Variants in RNF212 observed in about 807,000 individuals in gnomAD.
RNF212 encodes probable E3 SUMO-protein ligase RNF212.
A neutral mutation model predicts 34.7 loss-of-function variants in RNF212; 33 were observed. The observed-to-expected ratio is 0.95, with a 90% CI of 0.72 to 1.27. RNF212 has a LOEUF of 1.27. Ranked by LOEUF, RNF212 falls within the 50% of genes most tolerant of loss-of-function variation. The pLI is 0.00. For missense variants in RNF212, 377 were observed against 362.2 expected (o/e 1.04, Z -0.33); for synonymous variants, 140 against 136.1 (o/e 1.03, Z -0.20).
At chr4:1,075,419 G>A (rs1051243117) in intron 8 of RNF212, among the ~76,000 whole-genome samples, 1 of 152,196 alleles carries the variant, frequency 6.6e-6, no homozygotes, top group African/African-American at 2.4e-5. Flanking sequence ...CAATCAGGGT[G>A]GGAGGCCAAG....
intron 2 of RNF212, chr4:1,101,282 T>C: frequency 3.0e-6 from 1 of 332,810 alleles, no homozygotes; most frequent in Non-Finnish European, 5.9e-6. Flanking sequence ...TCCCTTTCAC[T>C]GATTTTCCAT....
At chr4:1,074,586 C>A (rs1718975617) in intron 8 of RNF212, among the ~76,000 whole-genome samples, 1 of 152,310 alleles carries the variant, frequency 6.6e-6, no homozygotes, top group African/African-American at 2.4e-5. Flanking sequence ...CTTGGCCCTA[C>A]CCTGCCAGTC....
chr4:1,075,334 T>G (rs1175530128), intron 8 of RNF212, among the ~76,000 whole-genome samples: 1 of 152,238 alleles, frequency 6.6e-6, no homozygotes, highest in African/African-American at 2.4e-5. Flanking sequence ...GAAAAGAGGT[T>G]TAACTGGCTC....
intron 3 of RNF212, among the ~76,000 whole-genome samples, chr4:1,064,941 A>G (rs1315556233): frequency 2.6e-5 from 4 of 152,200 alleles, no homozygotes; most frequent in Non-Finnish European, 5.9e-5. Context: ...AGCGTCCTCA[A>G]TGTTCATCCA....
rs1327056725 is a variant in RNF212 at position 1,072,856 on chromosome 4, T to A, written c.*18A>T. On this transcript the variant is annotated 3_prime_UTR_variant, in exon 10 of 10. Transcript: ENST00000433731. ...AATTGAAAACACTCAGAATCATTAA[T>A]AGTCACATAAATGCAAATCAAAATG... 3.8e-6 allele frequency: 6 copies of A among 1,561,364 alleles called. No homozygotes were observed. The highest frequency in any genetic ancestry group is 5.2e-6 in the Non-Finnish European group (6 of 1,150,974).
At chr4:1,094,830 G>A (rs574625160) in intron 3 of RNF212, among the ~76,000 whole-genome samples, 7 of 152,304 alleles carry the variant, frequency 4.6e-5, no homozygotes, top group Admixed American at 3.9e-4. Flanking sequence ...GGCATCTTGC[G>A]CAAAGGACCC....
At chr4:1,073,338 A>AT in intron 9 of RNF212, 145 bp from the exon 10 acceptor site, 1 of 1,169,166 alleles carries the variant, frequency 8.6e-7, no homozygotes, top group Non-Finnish European at 1.2e-6. Flanking sequence ...CAGTGACACT[A>AT]TTTTTGTTTA....
chr4:1,093,075 G>C (rs534959965), intron 3 of RNF212, among the ~76,000 whole-genome samples: 4 of 124,142 alleles, frequency 3.2e-5, no homozygotes, highest in African/African-American at 1.1e-4. Flanking sequence ...TTACTGGGAA[G>C]AGGAAGATGT....
chr4:1,098,720 T>C (rs633087), intron 2 of RNF212, among the ~76,000 whole-genome samples: 28,079 of 152,054 alleles, frequency 0.18, 4,212 homozygotes, highest in African/African-American at 0.42. Flanking sequence ...TCGGTCTCCC[T>C]ACGTATAAAA....
At chr4:1,063,691 T>G (rs1402500383) in intron 3 of RNF212, among the ~76,000 whole-genome samples, 1 of 71,342 alleles carries the variant, frequency 1.4e-5, no homozygotes. Context: ...TGAGACTCAG[T>G]CTCAAAAAAA....
At chr4:1,078,442 C>T (rs958921596) in intron 8 of RNF212, among the ~76,000 whole-genome samples, 8 of 152,284 alleles carry the variant, frequency 5.3e-5, no homozygotes, top group South Asian at 2.1e-4. Flanking sequence ...CCAGGACAGA[C>T]GACGGGAGAG....
rs188658198 is a variant in RNF212, at chr4:1,113,361, C to A, written c.104G>T (p.Gly35Val). ...CGHVYCDACLGKGKKNECLIC... is the reference protein window; with the variant it reads ...CGHVYCDACLVKGKKNECLIC... ...TGCGTTCGGGAAGCCCTGACCTTTG[C>A]CGAGGCAGGCGTCGCAGTACACGTG... The change falls in exon 1 of 10, where the codon GGC (glycine) becomes GTC (valine). Residue 35 changes from glycine (G) to valine (V), a missense_variant. Physicochemically the swap from Gly to Val is moderately radical, Grantham distance 109. Transcript: ENST00000433731. The A allele has an allele frequency of 2.0e-6, 3 of 1,464,774 alleles. No homozygotes were observed. Among genetic ancestry groups the A allele is most frequent in the Admixed American group, 1.9e-5 (1 of 52,208 alleles). The allele number at this position is 1,464,774 out of a possible 1,614,324, so 90.7% of individuals were successfully genotyped here.
rs370894763 is a variant in RNF212 at position 1,059,394 on chromosome 4, C to T, written n.148-1001G>A. On this transcript the variant is annotated intron_variant and non_coding_transcript_variant, in intron 3 of 4. Coordinates refer to the RNF212 transcript ENST00000503206. ...CTGCCTTCACTTCTGTCTTGTATCA[C>T]GGTTTGGCATCTGGAGGCTTGTGGA... 4.6e-4 allele frequency among the ~76,000 whole-genome samples: 70 copies of T among 152,324 alleles called. 1 individual carries two copies. The South Asian group carries it at 0.011, about 24-fold the overall frequency.
chr4:1,064,023 A>G (rs1187980141), intron 3 of RNF212, among the ~76,000 whole-genome samples: 3 of 121,700 alleles, frequency 2.5e-5, no homozygotes, highest in Non-Finnish European at 3.7e-5. Flanking sequence ...TCAAATATGG[A>G]AAAAAAAAAT....
Position 1,090,805 on chromosome 4 carries a change from A to G in RNF212, c.280T>C (p.Leu94=). Residue 94 remains leucine, a synonymous_variant, in exon 4 of 10, where the codon TTG becomes CTG. Transcript: ENST00000433731. ...LEFQEKHRKR[L]LAFYREKISR... Reference sequence around the variant, plus strand: ...ACCTTTTCTCTATAGAAGGCTAACAATCTCTTCCTGTGTTTTTCTTGAAAT... The same window carrying G: ...ACCTTTTCTCTATAGAAGGCTAACAGTCTCTTCCTGTGTTTTTCTTGAAAT... 6.3e-7 allele frequency: 1 copy of G among 1,593,778 alleles called. No individual in the cohort carries two copies. Among genetic ancestry groups the G allele is most frequent in the South Asian group, 1.1e-5 (1 of 90,414 alleles).
chr4:1,067,934 T>C (rs1718198410), downstream of RNF212, among the ~76,000 whole-genome samples: 2 of 150,750 alleles, frequency 1.3e-5, no homozygotes, highest in African/African-American at 4.9e-5. Flanking sequence ...GCCTGTACAG[T>C]GAAAATTGCT....
In RNF212 at chr4:1,071,716, A is replaced by G. The variant is rs1191752297; in HGVS notation, c.*1158T>C. On this transcript the variant is annotated 3_prime_UTR_variant, in exon 10 of 10. Coordinates refer to ENST00000433731, the MANE Select transcript of RNF212 (RefSeq NM_001131034.4). ...TTATCAATGAAATGCAAAATAAAAC[A>G]GCAAGATACCACTACATACCTATCA... The G allele has an allele frequency of 1.3e-5, 2 of 152,286 alleles. No individual in the cohort carries two copies. The highest frequency in any genetic ancestry group is 2.4e-5 in the African/African-American group (1 of 41,480). 9.4% of individuals were successfully genotyped at this position (152,286 alleles called of 1,614,324 possible).
At chr4:1,099,803 C>T (rs1463920756) in intron 2 of RNF212, 1 of 456,244 alleles carries the variant, frequency 2.2e-6, no homozygotes, top group Non-Finnish European at 4.4e-6. Flanking sequence ...GCAGAGCAAT[C>T]GAGTCCACAA....
chr4:1,067,008 G>A (rs892649410), downstream of RNF212, among the ~76,000 whole-genome samples: 1 of 152,056 alleles, frequency 6.6e-6, no homozygotes, highest in South Asian at 2.1e-4. Flanking sequence ...TATTCTGCAG[G>A]TGGATATCCA....
Sources: allele counts gnomAD v4.1 joint callset (sites outside exome capture counted in the v4.1 genomes callset), GRCh38; gene constraint gnomAD v4.1.1; transcripts MANE v1.5; gene names NCBI Gene and HGNC (gene_info 2026-07-23, HGNC 2026-07-21).